The following APC variants were observed in gnomAD, a reference collection of about 807,000 sequenced individuals.
The protein encoded by APC is adenomatous polyposis coli protein.
APC carries 72 observed loss-of-function variants against 247.0 expected under a neutral mutation model. That is an observed-to-expected ratio of 0.29 (90% CI 0.24 to 0.35). The LOEUF is 0.35. Among genes scored for constraint, APC ranks in the 10% least tolerant of loss-of-function variants. The pLI, the probability that APC is intolerant of heterozygous loss-of-function variation, is 1.00. For missense variants in APC, 3,400 were observed against 3,360.7 expected, an observed-to-expected ratio of 1.01 and a Z score of -0.29; for synonymous variants, 1,254 against 1,162.5, an observed-to-expected ratio of 1.08 and a Z score of -1.60.
chr5:112,760,616 C>T (rs1326335555), intron 2 of APC, among the ~76,000 whole-genome samples: 1 of 152,122 alleles, frequency 6.6e-6, no homozygotes, highest in Non-Finnish European at 1.5e-5. Context: ...GGGAGACCTA[C>T]CTAGTATATC....
intron 8 of APC, among the ~76,000 whole-genome samples, chr5:112,807,049 C>G (rs997443571): frequency 1.3e-5 from 2 of 151,414 alleles, no homozygotes; most frequent in Non-Finnish European, 2.9e-5. Context: ...AGGAAAATCT[C>G]TTGAACCTAG....
intron 15 of APC, 38 bp from the exon 16 acceptor site, chr5:112,837,515 T>A: frequency 6.6e-7 from 1 of 1,506,856 alleles, no homozygotes; most frequent in Non-Finnish European, 9.2e-7. Context: ...GCATACACAT[T>A]GTGACCTTAA....
In APC at chr5:112,842,126, A is replaced by G. The variant is rs571373542; in HGVS notation, c.6532A>G (p.Thr2178Ala). The stretch of plus-strand genomic sequence containing the variant: ...ACCAGGGGAGAAAAGTACATTGGAA[A>G]CTAAAAAGATAGAATCTGAAAGTAA... ...LKPGEKSTLE[T>A]KKIESESKGI... is the part of the protein sequence containing the mutation. Residue 2178 changes from threonine (T) to alanine (A), a missense_variant, in exon 16 of 16, where the codon ACT becomes GCT. Around this residue, in one of 9 missense-constraint regions of APC, gnomAD observed 1,788 missense variants for 1,649.5 expected, o/e 1.08. Coordinates refer to ENST00000257430, the MANE Select transcript of APC (RefSeq NM_000038.6). 2 of 1,611,286 alleles carry G rather than the reference A, an allele frequency of 1.2e-6. No homozygotes were observed. Among genetic ancestry groups the G allele is most frequent in the South Asian group, 1.1e-5 (1 of 90,662 alleles).
intron 7 of APC, among the ~76,000 whole-genome samples, chr5:112,793,070 G>C (rs1759818214): frequency 6.6e-6 from 1 of 152,034 alleles, no homozygotes; most frequent in Non-Finnish European, 1.5e-5. Context: ...AGATACCTCT[G>C]GGTGTGAGAG....
intron 12 of APC, 96 bp downstream of exon 12, chr5:112,827,343 C>A (rs2149811326): frequency 7.4e-7 from 1 of 1,350,384 alleles, no homozygotes; most frequent in Non-Finnish European, 1.0e-6. Context: ...TTTTTTCACT[C>A]TCCTCATTAA....
chr5:112,841,568 C>T lies in APC; in HGVS notation c.5974C>T (p.Pro1992Ser), dbSNP rs749833343. ...KENEPIKETE[P>S]PDSQGEPSKP... ...AAATGAACCTATCAAAGAGACTGAG[C>T]CCCCTGACTCACAGGGAGAACCAAG... Residue 1992 changes from proline to serine, a missense_variant, in exon 16 of 16, where the codon CCC becomes TCC. Physicochemically the swap from Pro to Ser is moderately conservative, Grantham distance 74. Transcript: ENST00000257430. The surrounding 1 kb of genome is among the most constrained non-coding windows in gnomAD (Gnocchi z 4.6). 5 of 1,613,820 alleles carry T rather than the reference C, an allele frequency of 3.1e-6. No homozygotes were observed. The South Asian group carries it at 5.5e-5, about 18-fold the overall frequency.
chr5:112,811,680 T>G (rs560998365), intron 8 of APC, among the ~76,000 whole-genome samples: 1 of 152,248 alleles, frequency 6.6e-6, no homozygotes, highest in Non-Finnish European at 1.5e-5. Flanking sequence ...AAACATGTTT[T>G]ATTGTGGAAA....
chr5:112,785,688 T>A (rs1012856219), intron 6 of APC, among the ~76,000 whole-genome samples: 4 of 152,170 alleles, frequency 2.6e-5, no homozygotes, highest in Admixed American at 1.3e-4. Flanking sequence ...CAGGAATATT[T>A]ACAACCTTTA....
rs730881238 is a variant in APC, at chr5:112,835,074, C to T, written c.1867C>T (p.Arg623Trp). ...ATTTTTGGTTGGCACTCTTACTTAC[C>T]GGAGCCAGACAAACACTTTAGCCAT... ...LAFLVGTLTY[R>W]SQTNTLAIIE... is the part of the protein sequence containing the mutation. Residue 623 changes from arginine to tryptophan, a missense_variant, in exon 15 of 16, where the codon CGG becomes TGG. Transcript: ENST00000257430. 6.2e-6 allele frequency: 10 copies of T among 1,614,048 alleles called. No homozygotes were observed. The highest frequency in any genetic ancestry group is 3.3e-5 in the Admixed American group (2 of 60,016).
At chr5:112,807,091 C>A (rs1377468441) in intron 8 of APC, among the ~76,000 whole-genome samples, 1 of 151,230 alleles carries the variant, frequency 6.6e-6, no homozygotes, top group Non-Finnish European at 1.5e-5. Flanking sequence ...TGAGATTGTA[C>A]CACTGCACTC....
chr5:112,835,553 C>T lies in APC; in HGVS notation c.1958+388C>T, dbSNP rs74735048. 1.3e-5 allele frequency among the ~76,000 whole-genome samples: 2 copies of T among 149,370 alleles called. No individual in the cohort carries two copies. The highest frequency in any genetic ancestry group is 3.2e-3 in the Middle Eastern group (1 of 312). ...AAGGTTCACATTTTTCTAATGATGT[C>T]TTAGTATCCATAATAATAATTTTTT... On this transcript the variant is annotated intron_variant, in intron 15 of 15. Transcript: ENST00000257430.
At chr5:112,779,483 T>C (rs1040329422) in intron 5 of APC, among the ~76,000 whole-genome samples, 2 of 152,332 alleles carry the variant, frequency 1.3e-5, no homozygotes, top group African/African-American at 4.8e-5. Flanking sequence ...TCAGGCACCA[T>C]TGGCAACATC....
At chr5:112,826,472 A>G (rs1580560828) in intron 11 of APC, among the ~76,000 whole-genome samples, 1 of 152,188 alleles carries the variant, frequency 6.6e-6, no homozygotes, top group Non-Finnish European at 1.5e-5. Flanking sequence ...AGAAAATACT[A>G]AATCTTAGTA....
intron 6 of APC, among the ~76,000 whole-genome samples, chr5:112,782,178 T>G (rs1758423314): frequency 6.6e-6 from 1 of 152,152 alleles, no homozygotes. Context: ...ATGTCTTACA[T>G]GGGTGGCAGC....
intron 1 of APC, among the ~76,000 whole-genome samples, chr5:112,751,586 C>G (rs2149724888): frequency 6.6e-6 from 1 of 151,870 alleles, no homozygotes; most frequent in South Asian, 2.1e-4. Flanking sequence ...TAAATGGGAT[C>G]TTTTCTTTCA....
chr5:112,841,489 T>C lies in APC; in HGVS notation c.5895T>C (p.His1965=). Residue 1965 remains histidine (H), a synonymous_variant, in exon 16 of 16, where the codon CAT becomes CAC. Coordinates refer to ENST00000257430, the MANE Select transcript of APC (RefSeq NM_000038.6). The surrounding 1 kb of genome is among the most constrained non-coding windows in gnomAD (Gnocchi z 4.6). The part of the protein sequence containing the change: ...AIENTPVCFS[H]NSSLSSLSDI... ...AAAATACTCCGGTTTGCTTTTCTCA[T>C]AATTCCTCTCTGAGTTCTCTCAGTG... 6.2e-7 allele frequency: 1 copy of C among 1,613,712 alleles called. No individual in the cohort carries two copies. The highest frequency in any genetic ancestry group is 8.5e-7 in the Non-Finnish European group (1 of 1,179,612).
chr5:112,754,761 A>G lies in APC; in HGVS notation c.-18-112A>G, dbSNP rs765486151. On this transcript the variant is annotated intron_variant, in intron 1 of 15. Transcript: ENST00000257430. ...TGAGACCAAAAACTAGCATATTAAC[A>G]CAATTCTTCTTAAACGTCTTAAGAG... 103 of 1,007,676 alleles carry G rather than the reference A, an allele frequency of 1.0e-4. No individual in the cohort carries two copies. Among genetic ancestry groups the G allele is most frequent in the Non-Finnish European group, 1.4e-4 (97 of 670,290 alleles). 62.4% of individuals were successfully genotyped at this position (1,007,676 alleles called of 1,614,324 possible).
chr5:112,841,507 T>C lies in APC; in HGVS notation c.5913T>C (p.Ser1971=), dbSNP rs1373796859. The C allele has an allele frequency of 6.2e-7, 1 of 1,613,176 alleles. No homozygotes were observed. The highest frequency in any genetic ancestry group is 1.1e-5 in the South Asian group (1 of 91,068). Residue 1971 remains serine (S), a synonymous_variant, in exon 16 of 16, where the codon TCT becomes TCC. Transcript: ENST00000257430. The surrounding 1 kb of genome is among the most constrained non-coding windows in gnomAD (Gnocchi z 4.6). ...TTTCTCATAATTCCTCTCTGAGTTC[T>C]CTCAGTGACATTGACCAAGAAAACA... ...VCFSHNSSLS[S]LSDIDQENNN...
chr5:112,709,130 A>G (rs898901502), intron 1 of APC, among the ~76,000 whole-genome samples: 2 of 152,194 alleles, frequency 1.3e-5, no homozygotes, highest in African/African-American at 4.8e-5. Flanking sequence ...TAAATTGAGC[A>G]ATATCGTTTT....
Sources: gnomAD v4.1 joint callset for allele counts (sites outside exome capture counted in the v4.1 genomes callset) on GRCh38, gnomAD v4.1.1 for gene constraint, gnomAD v4.1.1 regional missense constraint, Gnocchi (gnomAD v3.1) non-coding constraint, MANE v1.5 for transcripts, NCBI Gene and HGNC (gene_info 2026-07-23, HGNC 2026-07-21) for gene names.